The following MSTN variants were observed in gnomAD, a reference collection of about 807,000 sequenced individuals.
MSTN encodes growth/differentiation factor 8.
MSTN carries 12 observed loss-of-function variants against 32.3 expected under a neutral mutation model. The observed-to-expected ratio is 0.37, with a 90% CI of 0.24 to 0.60. The LOEUF is 0.60. MSTN is among the 20% of genes least tolerant of loss of function. The pLI is 0.67. For missense variants in MSTN, 403 were observed against 450.3 expected, an observed-to-expected ratio of 0.89 and a Z score of 0.95; for synonymous variants, 168 against 155.1, an observed-to-expected ratio of 1.08 and a Z score of -0.62.
At position 190,060,364 on chromosome 2, in the gene MSTN, T is replaced by G. The variant is rs1454487944; in HGVS notation, c.445A>C (p.Asn149His). Reference protein sequence around the residue: ...FFKFSSKIQYNKVVKAQLWIY... With the variant: ...FFKFSSKIQYHKVVKAQLWIY... Reference sequence around the variant, plus strand: ...CATAGTTGGGCCTTTACTACTTTATTGTATTGTATTTTAGAGCTAAATTTA... The same window carrying G: ...CATAGTTGGGCCTTTACTACTTTATGGTATTGTATTTTAGAGCTAAATTTA... Residue 149 changes from asparagine to histidine, a missense_variant, in exon 2 of 3, where the codon AAT becomes CAT. Transcript: ENST00000260950. 6.2e-7 allele frequency: 1 copy of G among 1,612,064 alleles called. No individual in the cohort carries two copies. The highest frequency in any genetic ancestry group is 1.7e-5 in the Admixed American group (1 of 59,780).
chr2:190,060,405 G>A lies in MSTN; in HGVS notation c.404C>T (p.Pro135Leu). Residue 135 changes from proline to leucine, a missense_variant, in exon 2 of 3, where the codon CCC (proline) becomes CTC (leucine). Transcript: ENST00000260950. ...GCTAAATTTAAAGAAGCAACATTTG[G>A]GTTTTCCATCCACTTGCATTAGAAA... ...SDFLMQVDGK[P>L]KCCFFKFSSK... The A allele has an allele frequency of 6.2e-7, 1 of 1,609,958 alleles. No homozygotes were observed. Among genetic ancestry groups the A allele is most frequent in the South Asian group, 1.1e-5 (1 of 90,226 alleles).
Position 190,057,505 on chromosome 2 carries a change from C to T in MSTN, c.881G>A (p.Gly294Glu), listed in dbSNP as rs1266075720. Residue 294 changes from glycine to glutamate, a missense_variant, in exon 3 of 3, where the codon GGA (glycine) becomes GAA (glutamate). Transcript: ENST00000260950. ...TTTAGGAGCGATAATCCAATCCCAT[C>T]CAAAAGCTTCAAAATCCACAGTTAG... ...YPLTVDFEAF[G>E]WDWIIAPKRY... is the part of the protein sequence containing the mutation. The T allele has an allele frequency of 6.2e-7, 1 of 1,613,370 alleles. No individual in the cohort carries two copies. The highest frequency in any genetic ancestry group is 8.5e-7 in the Non-Finnish European group (1 of 1,179,576).
At chr2:190,060,918 A>T (rs1032572193) in intron 1 of MSTN, among the ~76,000 whole-genome samples, 16 of 152,122 alleles carry the variant, frequency 1.1e-4, no homozygotes, top group Admixed American at 1.1e-3. Context: ...AGCCTCAGGA[A>T]TTAGTAGAAA....
At position 190,061,037 on chromosome 2, in the gene MSTN, G is replaced by A. The variant is rs114536441; in HGVS notation, c.374-602C>T. Reference sequence around the variant, plus strand: ...ATGTTATATTCAGGCTATCTGAAAAGTTCGAAAGTATTGTCTTTAGGGCCA... The same window carrying A: ...ATGTTATATTCAGGCTATCTGAAAAATTCGAAAGTATTGTCTTTAGGGCCA... On this transcript the variant is annotated intron_variant, in intron 1 of 2. Coordinates refer to ENST00000260950, the MANE Select transcript of MSTN (RefSeq NM_005259.3). Among the ~76,000 whole-genome samples, 588 of 152,140 alleles carry A rather than the reference G, an allele frequency of 3.9e-3. 5 individuals carry two copies. The highest frequency in any genetic ancestry group is 0.014 in the African/African-American group (564 of 41,522).
chr2:190,058,164 G>T (rs930090979), intron 2 of MSTN, among the ~76,000 whole-genome samples: 1 of 152,024 alleles, frequency 6.6e-6, no homozygotes, highest in Non-Finnish European at 1.5e-5. Context: ...AAATTCAGAA[G>T]AAGAGACGAT....
intron 1 of MSTN, among the ~76,000 whole-genome samples, chr2:190,060,825 A>T (rs1008016053): frequency 3.9e-5 from 6 of 152,028 alleles, no homozygotes; most frequent in African/African-American, 1.4e-4. Flanking sequence ...CTTACTGAGC[A>T]GCTGTACCAA....
At chr2:190,060,482 A>G (rs561870363) in intron 1 of MSTN, 47 bp from the exon 2 acceptor site, 4 of 1,537,790 alleles carry the variant, frequency 2.6e-6, no homozygotes, top group Non-Finnish European at 3.5e-6. Context: ...ATTTCCCATT[A>G]ACAAAACCCC....
rs778083631 is a variant in MSTN, at chr2:190,057,592, C to T, written c.794G>A (p.Arg265Lys). Residue 265 changes from arginine to lysine, a missense_variant, in exon 3 of 3, where the codon AGA becomes AAA. Arg to Lys is a conservative substitution (Grantham distance 26). Coordinates refer to ENST00000260950, the MANE Select transcript of MSTN (RefSeq NM_005259.3). ...VKVTDTPKRS[R>K]RDFGLDCDEH... is the part of the protein sequence containing the mutation. ...ATCACAGTCAAGACCAAAATCCCTT[C>T]TGGATCTTTTTGGTGTGTCTGTTAC... 2 of 1,613,342 alleles carry T rather than the reference C, an allele frequency of 1.2e-6. No homozygotes were observed. The highest frequency in any genetic ancestry group is 4.5e-5 in the East Asian group (2 of 44,868).
rs374890095 is a variant in MSTN at position 190,061,290 on chromosome 2, C to A, written c.374-855G>T. On this transcript the variant is annotated intron_variant, in intron 1 of 2. Coordinates refer to ENST00000260950, the MANE Select transcript of MSTN (RefSeq NM_005259.3). ...TATTAAAGCAAGATAACAGGTAACA[C>A]AAAATTTTTCTTGCCATGCCTTCTC... Among the ~76,000 whole-genome samples the A allele has an allele frequency of 1.5e-4, 23 of 152,084 alleles. No homozygotes were observed. The East Asian group carries it at 1.9e-3, about 13-fold the overall frequency.
chr2:190,057,031 G>T lies in MSTN; in HGVS notation c.*227C>A, dbSNP rs56124807. On this transcript the variant is annotated 3_prime_UTR_variant, in exon 3 of 3. Transcript: ENST00000260950. ...ATAAATGTAATTTGATCTCCTTCTA[G>T]CTCAAAAACTCTGGAAATCATAAAA... The T allele has an allele frequency of 5.3e-4, 278 of 528,344 alleles. 2 individuals carry two copies. Among genetic ancestry groups the T allele is most frequent in the African/African-American group, 4.9e-3 (260 of 52,560 alleles). The allele number at this position is 528,344 out of a possible 1,614,324, so 32.7% of individuals were successfully genotyped here.
At chr2:190,062,096 C>T (rs1453821726) in intron 1 of MSTN, 128 bp downstream of exon 1, 3 of 962,824 alleles carry the variant, frequency 3.1e-6, no homozygotes, top group Non-Finnish European at 4.7e-6. Context: ...AAAAGAGAAA[C>T]TCTTTTCCTT....
chr2:190,058,531 A>G (rs182074560), intron 2 of MSTN, among the ~76,000 whole-genome samples: 32 of 152,096 alleles, frequency 2.1e-4, no homozygotes, highest in Non-Finnish European at 3.7e-4. Context: ...AGAAAATTGT[A>G]TAGTCTTTTA....
intron 1 of MSTN, among the ~76,000 whole-genome samples, chr2:190,061,952 T>G (rs1284849721): frequency 6.6e-6 from 1 of 152,108 alleles, no homozygotes; most frequent in Non-Finnish European, 1.5e-5. Flanking sequence ...TGTGAAAGCA[T>G]AAGCATGCTA....
Position 190,062,684 on chromosome 2 carries a change from T to G in MSTN, c.-88A>C. The G allele has an allele frequency of 1.6e-6, 2 of 1,275,422 alleles. No individual in the cohort carries two copies. Among genetic ancestry groups the G allele is most frequent in the South Asian group, 2.6e-5 (2 of 76,668 alleles). The allele number at this position is 1,275,422 out of a possible 1,614,324, so 79.0% of individuals were successfully genotyped here. ...TTTTGAGTAATGCCAAGCAAAATTT[T>G]AATGCATGTACAGTCTGAGAGACAA... On this transcript the variant is annotated 5_prime_UTR_variant, in exon 1 of 3. An upstream open reading frame in the 5' UTR loses its in-frame stop. Transcript: ENST00000260950.
intron 1 of MSTN, among the ~76,000 whole-genome samples, chr2:190,061,040 C>T (rs1008259319): frequency 1.3e-4 from 20 of 151,974 alleles, no homozygotes; most frequent in African/African-American, 4.8e-4. Flanking sequence ...CTGAAAAGTT[C>T]GAAAGTATTG....
intron 2 of MSTN, among the ~76,000 whole-genome samples, chr2:190,057,868 C>G (rs1685480270): frequency 6.6e-6 from 1 of 151,932 alleles, no homozygotes; most frequent in South Asian, 2.1e-4. Context: ...AGTACCATGT[C>G]TTTTTAAGTT....
At position 190,062,727 on chromosome 2, in the gene MSTN, T is replaced by A; in HGVS notation, c.-131A>T. ...AGAGACAACTTGCCACACCAGTGAA[T>A]CTTTTATACTGTATTCCAAGTGGCT... On this transcript the variant is annotated 5_prime_UTR_variant, in exon 1 of 3. Transcript: ENST00000260950. 2 of 789,550 alleles carry A rather than the reference T, an allele frequency of 2.5e-6. No homozygotes were observed. The highest frequency in any genetic ancestry group is 4.0e-6 in the Non-Finnish European group (2 of 503,550). 48.9% of individuals were successfully genotyped at this position (789,550 alleles called of 1,614,324 possible). A position where few individuals can be genotyped will look rare whatever the true frequency, so the allele number is the denominator to read the frequency against.
chr2:190,057,173 C>A lies in MSTN; in HGVS notation c.*85G>T. 3.4e-6 allele frequency: 5 copies of A among 1,464,532 alleles called. No homozygotes were observed. Among genetic ancestry groups the A allele is most frequent in the Non-Finnish European group, 3.8e-6 (4 of 1,050,726 alleles). The allele number at this position is 1,464,532 out of a possible 1,614,324, so 90.7% of individuals were successfully genotyped here. A position where few individuals can be genotyped will look rare whatever the true frequency, so the allele number is the denominator to read the frequency against. On this transcript the variant is annotated 3_prime_UTR_variant, in exon 3 of 3. Coordinates refer to ENST00000260950, the MANE Select transcript of MSTN (RefSeq NM_005259.3). ...CTGTAGCATACTCTAGGCCTATAGC[C>A]TGTGGTACTTAATTTCACAGCTTCA... is the stretch of plus-strand genomic sequence containing the variant.
chr2:190,062,696 A>G lies in MSTN; in HGVS notation c.-100T>C. The stretch of plus-strand genomic sequence containing the variant: ...CCAAGCAAAATTTTAATGCATGTAC[A>G]GTCTGAGAGACAACTTGCCACACCA... On this transcript the variant is annotated 5_prime_UTR_variant, in exon 1 of 3. Coordinates refer to ENST00000260950, the MANE Select transcript of MSTN (RefSeq NM_005259.3). 1 of 1,135,292 alleles carries G rather than the reference A, an allele frequency of 8.8e-7. No homozygotes were observed. Among genetic ancestry groups the G allele is most frequent in the Non-Finnish European group, 1.3e-6 (1 of 798,354 alleles). 70.3% of individuals were successfully genotyped at this position (1,135,292 alleles called of 1,614,324 possible).
Sources: allele counts gnomAD v4.1 joint callset (sites outside exome capture counted in the v4.1 genomes callset), GRCh38; gene constraint gnomAD v4.1.1; transcripts MANE v1.5; gene names NCBI Gene and HGNC (gene_info 2026-07-23, HGNC 2026-07-21).